The following OSBPL6 variants were observed in gnomAD, a reference collection of about 807,000 sequenced individuals.
The protein encoded by OSBPL6 is oxysterol binding protein like 6, also known as oxysterol-binding protein-related protein 6.
In OSBPL6, 49 loss-of-function variants were observed where a neutral mutation model predicts 125.8. The ratio of observed to expected loss-of-function variants is 0.39; its 90% CI spans 0.31 to 0.49. The LOEUF (loss-of-function observed/expected upper bound fraction) is 0.49, where lower values mean the gene tolerates loss of function less well. Ranked by LOEUF, OSBPL6 falls within the 20% of genes least tolerant of loss-of-function variation. The pLI is 0.88. For missense variants in OSBPL6, 986 were observed against 1,135.4 expected (o/e 0.87, Z 1.89); for synonymous variants, 394 against 391.8 (o/e 1.01, Z -0.07).
rs76806666 is a variant in OSBPL6 at position 178,206,396 on chromosome 2, G to A, written c.-351+11722G>A. 8.7e-3 allele frequency among the ~76,000 whole-genome samples: 1,317 copies of A among 152,216 alleles called. 31 individuals carry two copies. Among genetic ancestry groups the A allele is most frequent in the East Asian group, 0.076 (394 of 5,176 alleles). ...TTGATCATCTTCCTCTCTATACAGT[G>A]GACAATGGGACAGAAAATCAGCACA... is the stretch of plus-strand genomic sequence containing the variant. On this transcript the variant is annotated intron_variant, in intron 1 of 24. Coordinates refer to ENST00000190611, the MANE Select transcript of OSBPL6 (RefSeq NM_032523.4).
intron 1 of OSBPL6, among the ~76,000 whole-genome samples, chr2:178,205,174 G>A (rs1441928230): frequency 6.6e-6 from 1 of 152,194 alleles, no homozygotes; most frequent in African/African-American, 2.4e-5. Flanking sequence ...CCTTGCCAGG[G>A]TTGGGATTTG....
chr2:178,215,977 G>A (rs1040233742), intron 1 of OSBPL6, among the ~76,000 whole-genome samples: 14 of 152,270 alleles, frequency 9.2e-5, no homozygotes, highest in African/African-American at 3.4e-4. Context: ...TAGCCTGGGT[G>A]AAATCACCTA....
At chr2:178,392,271 A>T in intron 22 of OSBPL6, 141 bp from the exon 23 acceptor site, 1 of 992,310 alleles carries the variant, frequency 1.0e-6, no homozygotes, top group East Asian at 2.5e-5. Flanking sequence ...CACCAATTTA[A>T]TTCACTTGAA....
At chr2:178,307,299 G>A (rs950796934) in intron 3 of OSBPL6, among the ~76,000 whole-genome samples, 1 of 152,020 alleles carries the variant, frequency 6.6e-6, no homozygotes, top group Admixed American at 6.6e-5. Flanking sequence ...ACACTGCTGG[G>A]GATGCTTTTT....
chr2:178,343,626 C>A (rs1174073032), intron 11 of OSBPL6, among the ~76,000 whole-genome samples: 1 of 152,150 alleles, frequency 6.6e-6, no homozygotes, highest in African/African-American at 2.4e-5. Context: ...ATTGTCCTCA[C>A]CCACTGAGGA....
At chr2:178,246,170 T>C (rs950491499) in intron 1 of OSBPL6, among the ~76,000 whole-genome samples, 7 of 152,222 alleles carry the variant, frequency 4.6e-5, no homozygotes, top group African/African-American at 1.7e-4. Context: ...CTCTGTCTTC[T>C]TTCTCTTTTT....
chr2:178,343,411 T>TCA (rs900228697), intron 11 of OSBPL6, among the ~76,000 whole-genome samples: 18 of 151,854 alleles, frequency 1.2e-4, no homozygotes, highest in Admixed American at 6.6e-4. Context: ...AAAGTATTGC[T>TCA]CACAACCTTG....
At chr2:178,347,071 C>A (rs934665259) in intron 11 of OSBPL6, among the ~76,000 whole-genome samples, 4 of 151,608 alleles carry the variant, frequency 2.6e-5, no homozygotes, top group Non-Finnish European at 5.9e-5. Flanking sequence ...TTGTAACTTA[C>A]GTTTTTCTTC....
intron 1 of OSBPL6, among the ~76,000 whole-genome samples, chr2:178,280,047 A>T (rs1683996622): frequency 6.6e-6 from 1 of 151,976 alleles, no homozygotes; most frequent in South Asian, 2.1e-4. Flanking sequence ...AAAATACAAA[A>T]ATTAGCTGGG....
intron 12 of OSBPL6, among the ~76,000 whole-genome samples, chr2:178,352,556 G>A (rs1353392463): frequency 6.6e-6 from 1 of 152,186 alleles, no homozygotes; most frequent in Non-Finnish European, 1.5e-5. Context: ...CCATTGCTGA[G>A]GCTCAAGTAG....
intron 15 of OSBPL6, among the ~76,000 whole-genome samples, chr2:178,380,709 T>C (rs2154112861): frequency 6.6e-6 from 1 of 152,306 alleles, no homozygotes; most frequent in East Asian, 1.9e-4. Context: ...TATGAAAATA[T>C]ATTTACAAGG....
At chr2:178,287,724 G>A (rs1330410197) in intron 2 of OSBPL6, among the ~76,000 whole-genome samples, 4 of 150,832 alleles carry the variant, frequency 2.7e-5, no homozygotes, top group African/African-American at 9.8e-5. Context: ...AAAAAAATAA[G>A]AAAGAAATTT....
chr2:178,240,989 G>A (rs1325176670), intron 1 of OSBPL6, among the ~76,000 whole-genome samples: 2 of 152,058 alleles, frequency 1.3e-5, no homozygotes, highest in African/African-American at 4.8e-5. Context: ...TAAATAATGT[G>A]ATAACAATGG....
At chr2:178,339,621 C>A (rs779867910) in intron 10 of OSBPL6, 51 bp from the exon 11 acceptor site, 1 of 1,424,842 alleles carries the variant, frequency 7.0e-7, no homozygotes. Context: ...TCTGTATCAT[C>A]TGTGTGAACT....
intron 1 of OSBPL6, among the ~76,000 whole-genome samples, chr2:178,215,975 G>A (rs1323591830): frequency 2.0e-5 from 3 of 152,176 alleles, no homozygotes; most frequent in African/African-American, 7.2e-5. Flanking sequence ...TCTAGCCTGG[G>A]TGAAATCACC....
intron 2 of OSBPL6, among the ~76,000 whole-genome samples, chr2:178,300,679 T>A (rs1046007243): frequency 2.6e-5 from 4 of 152,224 alleles, no homozygotes; most frequent in African/African-American, 9.6e-5. Flanking sequence ...CAGGCTGGTC[T>A]TGAACTACTG....
chr2:178,285,189 A>G lies in OSBPL6; in HGVS notation c.-156+68A>G, dbSNP rs556309716. 1.0e-4 allele frequency: 41 copies of G among 397,046 alleles called. No homozygotes were observed. The East Asian group carries it at 1.5e-3, about 14-fold the overall frequency. 24.6% of individuals were successfully genotyped at this position (397,046 alleles called of 1,614,324 possible). A position where few individuals can be genotyped will look rare whatever the true frequency, so the allele number is the denominator to read the frequency against. On this transcript the variant is annotated intron_variant, in intron 2 of 24. Transcript: ENST00000190611. ...GGTTAGGCAGCGCTTAATAATAGCA[A>G]CAGATTAGTGGGACACCACAAAGTC... is the stretch of plus-strand genomic sequence containing the variant.
At chr2:178,263,834 T>C (rs398042814) in intron 1 of OSBPL6, among the ~76,000 whole-genome samples, 129 of 142,188 alleles carry the variant, frequency 9.1e-4, no homozygotes, top group Middle Eastern at 3.6e-3. Flanking sequence ...TGTGTGTGTG[T>C]GTGCGTGTAC....
At chr2:178,377,989 T>C (rs1347292532) in intron 15 of OSBPL6, among the ~76,000 whole-genome samples, 1 of 152,062 alleles carries the variant, frequency 6.6e-6, no homozygotes, top group Non-Finnish European at 1.5e-5. Context: ...CCACCACGCC[T>C]GGCTAATTTT....
Sources: gnomAD v4.1 joint callset for allele counts (sites outside exome capture counted in the v4.1 genomes callset) on GRCh38, gnomAD v4.1.1 for gene constraint, MANE v1.5 for transcripts, NCBI Gene and HGNC (gene_info 2026-07-23, HGNC 2026-07-21) for gene names.